The following C10orf90 variants were observed in gnomAD, a reference collection of about 807,000 sequenced individuals.
C10orf90 encodes (E2-independent) E3 ubiquitin-conjugating enzyme FATS.
Under a neutral mutation model 62.5 loss-of-function variants are expected in C10orf90, and 56 were observed. The observed-to-expected ratio is 0.90, with a 90% CI of 0.72 to 1.12. The LOEUF is 1.12. Among genes scored for constraint, C10orf90 ranks in the 50% most tolerant of loss-of-function variants. C10orf90 has a pLI of 0.00. For synonymous variants in C10orf90, 386 were observed against 340.4 expected (o/e 1.13, Z -1.47); for missense variants, 970 against 880.4 (o/e 1.10, Z -1.29).
intron 2 of C10orf90, among the ~76,000 whole-genome samples, chr10:126,604,780 C>G (rs760721883): frequency 6.6e-6 from 1 of 152,202 alleles, no homozygotes; most frequent in Non-Finnish European, 1.5e-5. Flanking sequence ...ATTTCTTTAG[C>G]TACATGGATC....
rs145420182 is a variant in C10orf90, at chr10:126,524,654, A to T, written c.314-10715T>A. The T allele has an allele frequency of 2.1e-4, 209 of 985,988 alleles. No homozygotes were observed. In the Middle Eastern group the frequency reaches 4.7e-3, roughly 22 times the overall value. The allele number at this position is 985,988 out of a possible 1,614,324, so 61.1% of individuals were successfully genotyped here. A position where few individuals can be genotyped will look rare whatever the true frequency, so the allele number is the denominator to read the frequency against. On this transcript the variant is annotated intron_variant, in intron 2 of 9. Coordinates refer to ENST00000488181, the MANE Select transcript of C10orf90 (RefSeq NM_001350921.2). ...CCAGACGGCAAGGACACTAGGCTCC[A>T]GATCCCACCTGGCCACTCAGCCATG...
chr10:126,457,354 G>C (rs1859651611), intron 7 of C10orf90, among the ~76,000 whole-genome samples: 1 of 152,206 alleles, frequency 6.6e-6, no homozygotes, highest in Non-Finnish European at 1.5e-5. Context: ...AATCAGTACA[G>C]ATGGCCAAGG....
At chr10:126,573,625 T>C (rs1298579628) in intron 2 of C10orf90, among the ~76,000 whole-genome samples, 1 of 152,068 alleles carries the variant, frequency 6.6e-6, no homozygotes, top group Non-Finnish European at 1.5e-5. Context: ...CCCCCACACT[T>C]CTGTACTTTG....
intron 2 of C10orf90, among the ~76,000 whole-genome samples, chr10:126,532,971 C>T (rs761796034): frequency 1.3e-5 from 2 of 150,448 alleles, no homozygotes; most frequent in African/African-American, 4.9e-5. Context: ...CTCGCTCTGT[C>T]GCCCAGGCTG....
intron 2 of C10orf90, among the ~76,000 whole-genome samples, chr10:126,544,152 C>T (rs563532483): frequency 8.1e-4 from 123 of 152,340 alleles, no homozygotes; most frequent in Non-Finnish European, 1.2e-3. Flanking sequence ...ATGACAGAAA[C>T]TCCCTGGGAC....
intron 2 of C10orf90, among the ~76,000 whole-genome samples, chr10:126,591,385 G>C (rs1181152026): frequency 6.6e-6 from 1 of 152,202 alleles, no homozygotes; most frequent in African/African-American, 2.4e-5. Flanking sequence ...TACAAGGTTG[G>C]TTCAATATAT....
At chr10:126,437,875 C>CT (rs1257157963) in intron 7 of C10orf90, among the ~76,000 whole-genome samples, 1 of 152,200 alleles carries the variant, frequency 6.6e-6, no homozygotes, top group Non-Finnish European at 1.5e-5. Context: ...CTGTGGAAGG[C>CT]CAGCCTGTGT....
chr10:126,559,648 C>A (rs1453376961), intron 2 of C10orf90, among the ~76,000 whole-genome samples: 1 of 152,126 alleles, frequency 6.6e-6, no homozygotes, highest in Non-Finnish European at 1.5e-5. Flanking sequence ...TGGAATTGAT[C>A]GGAAGATGGG....
At chr10:126,503,123 A>AGAGCCTCTT (rs1176648050) in intron 4 of C10orf90, among the ~76,000 whole-genome samples, 9 of 152,364 alleles carry the variant, frequency 5.9e-5, no homozygotes, top group African/African-American at 2.2e-4. Flanking sequence ...TTCATAAACC[A>AGAGCCTCTT]GAGCCTCTTG....
chr10:126,599,707 G>T (rs574468165), intron 2 of C10orf90, among the ~76,000 whole-genome samples: 2 of 152,014 alleles, frequency 1.3e-5, no homozygotes, highest in South Asian at 4.2e-4. Context: ...AGGGGATTAG[G>T]GCACTAATCC....
chr10:126,565,542 G>T (rs79133075), intron 2 of C10orf90, among the ~76,000 whole-genome samples: 3,349 of 146,992 alleles, frequency 0.023, 137 homozygotes, highest in African/African-American at 0.08. Context: ...TTTTAAAAAT[G>T]CCCTTCATTA....
intron 2 of C10orf90, among the ~76,000 whole-genome samples, chr10:126,531,349 G>A (rs531315358): frequency 6.6e-6 from 1 of 152,256 alleles, no homozygotes; most frequent in East Asian, 1.9e-4. Flanking sequence ...GTGGGTAGAC[G>A]CTAAAGCAAT....
At chr10:126,555,571 C>T (rs993707539) in intron 2 of C10orf90, among the ~76,000 whole-genome samples, 3 of 151,424 alleles carry the variant, frequency 2.0e-5, no homozygotes, top group Non-Finnish European at 1.5e-5. Flanking sequence ...CCCAGCTACT[C>T]GGGAGGCTGA....
At chr10:126,659,218 C>A (rs531803350) in intron 1 of C10orf90, among the ~76,000 whole-genome samples, 3 of 152,292 alleles carry the variant, frequency 2.0e-5, no homozygotes, top group Middle Eastern at 3.4e-3. Flanking sequence ...TGAAAACTAG[C>A]GCAATATGAG....
intron 2 of C10orf90, among the ~76,000 whole-genome samples, chr10:126,598,233 C>CT (rs1277080912): frequency 6.6e-6 from 1 of 152,184 alleles, no homozygotes; most frequent in Non-Finnish European, 1.5e-5. Flanking sequence ...ATGCTGCGCA[C>CT]TACCCACTCC....
At chr10:126,427,443 T>C (rs1457227802) in intron 8 of C10orf90, among the ~76,000 whole-genome samples, 1 of 152,176 alleles carries the variant, frequency 6.6e-6, no homozygotes, top group Non-Finnish European at 1.5e-5. Context: ...AAAGTCTTAT[T>C]TCTGGGTGTG....
intron 6 of C10orf90, 152 bp downstream of exon 6, chr10:126,461,249 A>G: frequency 1.2e-6 from 1 of 801,886 alleles, no homozygotes; most frequent in Non-Finnish European, 1.9e-6. Flanking sequence ...AGTGGCCCAG[A>G]AAGCTTAGGG....
At chr10:126,429,605 A>T (rs1484260828) in intron 8 of C10orf90, among the ~76,000 whole-genome samples, 182 bp downstream of exon 8, 1 of 152,204 alleles carries the variant, frequency 6.6e-6, no homozygotes, top group Non-Finnish European at 1.5e-5. Context: ...CAGCATTAAC[A>T]TTCAAAAGCA....
chr10:126,603,377 A>G (rs1202930742), intron 2 of C10orf90, among the ~76,000 whole-genome samples: 1 of 152,154 alleles, frequency 6.6e-6, no homozygotes, highest in Non-Finnish European at 1.5e-5. Context: ...CACTATCACA[A>G]GAAGAGCAGC....
Sources: gnomAD v4.1 joint callset for allele counts (sites outside exome capture counted in the v4.1 genomes callset) on GRCh38, gnomAD v4.1.1 for gene constraint, MANE v1.5 for transcripts, NCBI Gene and HGNC (gene_info 2026-07-23, HGNC 2026-07-21) for gene names.